PPARGC1A: variants seen among roughly 807,000 people sequenced by gnomAD.
The protein encoded by PPARGC1A is peroxisome proliferator-activated receptor gamma coactivator 1-alpha.
In PPARGC1A, 25 loss-of-function variants were observed where a neutral mutation model predicts 88.7. That is an observed-to-expected ratio of 0.28 (90% CI 0.21 to 0.39). The LOEUF is 0.39. PPARGC1A is among the 10% of genes least tolerant of loss of function. The pLI, the probability that PPARGC1A is intolerant of heterozygous loss-of-function variation, is 1.00. For missense variants in PPARGC1A, 880 were observed against 968.7 expected, an observed-to-expected ratio of 0.91 and a Z score of 1.22; for synonymous variants, 363 against 355.6, an observed-to-expected ratio of 1.02 and a Z score of -0.24.
At chr4:24,198,351 A>G in the PPARGC1A span, among the ~76,000 whole-genome samples, 2 of 152,316 alleles carry the variant, frequency 1.3e-5, no homozygotes, top group Admixed American at 6.5e-5. Context: ...TCATTCATTC[A>G]GAATGAATTG....
chr4:24,135,564 T>C, the PPARGC1A span, among the ~76,000 whole-genome samples: 3 of 152,112 alleles, frequency 2.0e-5, no homozygotes, highest in East Asian at 5.8e-4. Flanking sequence ...ATTTACCCAG[T>C]TCTAAAGGGT....
the PPARGC1A span, among the ~76,000 whole-genome samples, chr4:24,145,842 T>C: frequency 6.6e-5 from 10 of 152,304 alleles, no homozygotes; most frequent in South Asian, 2.1e-4. Flanking sequence ...AACTTCACTA[T>C]ATTATCGAAG....
chr4:23,829,642 T>C (rs1015483553), intron 3 of PPARGC1A, 57 bp from the exon 4 acceptor site: 14 of 1,487,748 alleles, frequency 9.4e-6, no homozygotes, highest in Non-Finnish European at 1.3e-5. Context: ...CTTTTAAGCA[T>C]TGGAATAAGT....
At chr4:24,167,377 ATGT>A in the PPARGC1A span, among the ~76,000 whole-genome samples, 4 of 152,246 alleles carry the variant, frequency 2.6e-5, no homozygotes, top group African/African-American at 9.6e-5. Context: ...CCTGGTGAAG[ATGT>A]TGTGGACATT....
At chr4:24,168,835 T>C in the PPARGC1A span, among the ~76,000 whole-genome samples, 1 of 152,184 alleles carries the variant, frequency 6.6e-6, no homozygotes, top group Non-Finnish European at 1.5e-5. Context: ...ATAAGTGAAT[T>C]AGGAAAAAGG....
rs1721373280 is a variant in PPARGC1A at position 23,813,712 on chromosome 4, G to A, written c.1771C>T (p.Pro591Ser). The change falls in exon 8 of 13, where the codon CCA becomes TCA. Residue 591 changes from proline to serine, a missense_variant. Pro to Ser is a moderately conservative substitution (Grantham distance 74). Transcript: ENST00000264867. ...TACCTTGAAGAGGATCTACTGCCTG[G>A]AGACCTTGATCTTGACCTGGAATAT... ...SPYSRSRSRS[P>S]GSRSSSRSCY... The A allele has an allele frequency of 1.9e-6, 3 of 1,605,696 alleles. No individual in the cohort carries two copies. The highest frequency in any genetic ancestry group is 1.3e-5 in the African/African-American group (1 of 74,648).
chr4:24,097,467 A>C, the PPARGC1A span, among the ~76,000 whole-genome samples: 2 of 152,106 alleles, frequency 1.3e-5, no homozygotes, highest in Non-Finnish European at 2.9e-5. Context: ...ACCTCAATGA[A>C]ATTTTCCTAG....
In PPARGC1A at chr4:23,802,233, C is replaced by T. The variant is rs533871925; in HGVS notation, c.2132G>A (p.Arg711Gln). The change falls in exon 11 of 13, where the codon CGG becomes CAG. Residue 711 changes from arginine to glutamine, a missense_variant. Transcript: ENST00000264867. ...TCTTGAAGATTCTCACCCATCATCC[C>T]GCAGATTTACTGTGCACTCCTCAAT... ...GEIEECTVNL[R>Q]DDGDSYGFIT... The T allele has an allele frequency of 3.0e-5, 48 of 1,613,978 alleles. No individual in the cohort carries two copies. The East Asian group carries it at 3.1e-4, about 10-fold the overall frequency.
the PPARGC1A span, among the ~76,000 whole-genome samples, chr4:24,300,909 T>A: frequency 6.6e-6 from 1 of 152,156 alleles, no homozygotes; most frequent in African/African-American, 2.4e-5. Context: ...GGCTGGAGAT[T>A]CTGCAAATAT....
At chr4:24,032,415 C>T in the PPARGC1A span, among the ~76,000 whole-genome samples, 1 of 152,148 alleles carries the variant, frequency 6.6e-6, no homozygotes, top group Non-Finnish European at 1.5e-5. Flanking sequence ...GTTCATAGAG[C>T]TCACCCAGCT....
At chr4:23,988,351 G>C in the PPARGC1A span, among the ~76,000 whole-genome samples, 1 of 151,974 alleles carries the variant, frequency 6.6e-6, no homozygotes, top group Non-Finnish European at 1.5e-5. Flanking sequence ...AGATCCTTGA[G>C]GAATCACCAC....
At chr4:24,146,158 A>G in the PPARGC1A span, among the ~76,000 whole-genome samples, 1 of 152,352 alleles carries the variant, frequency 6.6e-6, no homozygotes, top group South Asian at 2.1e-4. Flanking sequence ...TTCCAAAAGT[A>G]TGGACCAAAG....
At chr4:24,314,437 G>T in the PPARGC1A span, among the ~76,000 whole-genome samples, 1 of 152,148 alleles carries the variant, frequency 6.6e-6, no homozygotes, top group Non-Finnish European at 1.5e-5. Flanking sequence ...GTCATGGGAG[G>T]ACACTTATAC....
At chr4:24,047,503 A>G in the PPARGC1A span, among the ~76,000 whole-genome samples, 1 of 152,220 alleles carries the variant, frequency 6.6e-6, no homozygotes, top group African/African-American at 2.4e-5. Context: ...CCTATAAGGT[A>G]GCACCATTCT....
chr4:24,393,472 G>A, the PPARGC1A span, among the ~76,000 whole-genome samples: 1 of 152,168 alleles, frequency 6.6e-6, no homozygotes, highest in Non-Finnish European at 1.5e-5. Context: ...ACGCACCCTT[G>A]CACACTGCAT....
chr4:23,943,597 A>G, the PPARGC1A span, among the ~76,000 whole-genome samples: 1 of 152,132 alleles, frequency 6.6e-6, no homozygotes, highest in Non-Finnish European at 1.5e-5. Context: ...TGGACATGCA[A>G]TCATGCTTCC....
chr4:24,463,548 G>A, the PPARGC1A span, among the ~76,000 whole-genome samples: 1 of 152,208 alleles, frequency 6.6e-6, no homozygotes, highest in Non-Finnish European at 1.5e-5. Flanking sequence ...AACAAAGAAT[G>A]ATAAATAAAG....
At chr4:23,911,452 G>A in the PPARGC1A span, among the ~76,000 whole-genome samples, 1 of 152,158 alleles carries the variant, frequency 6.6e-6, no homozygotes, top group Non-Finnish European at 1.5e-5. Context: ...TATGACCTGA[G>A]ATCTTGAGAT....
At chr4:23,986,018 TAAG>T in the PPARGC1A span, among the ~76,000 whole-genome samples, 3,124 of 152,148 alleles carry the variant, frequency 0.021, 100 homozygotes, top group African/African-American at 0.071. Context: ...ATCTGTAAGA[TAAG>T]AAGACTTGAT....
Sources: gnomAD v4.1 joint callset for allele counts (sites outside exome capture counted in the v4.1 genomes callset) on GRCh38, gnomAD v4.1.1 for gene constraint, MANE v1.5 for transcripts, NCBI Gene and HGNC (gene_info 2026-07-23, HGNC 2026-07-21) for gene names.